Variants in CTRC observed in about 807,000 individuals in gnomAD.
CTRC encodes the protein chymotrypsin-C.
Under a neutral mutation model 35.7 loss-of-function variants are expected in CTRC, and 32 were observed. That is an observed-to-expected ratio of 0.90 (90% CI 0.68 to 1.20). The LOEUF (loss-of-function observed/expected upper bound fraction) is 1.20, where lower values mean the gene tolerates loss of function less well. CTRC is among the 50% of genes most tolerant of loss of function. The pLI is 0.00. For missense variants in CTRC, 324 were observed against 361.5 expected (o/e 0.90, Z 0.84); for synonymous variants, 119 against 149.5 (o/e 0.80, Z 1.49).
At chr1:15,441,651 A>T (rs1570782744) in intron 3 of CTRC, among the ~76,000 whole-genome samples, 1 of 151,712 alleles carries the variant, frequency 6.6e-6, no homozygotes, top group Admixed American at 6.6e-5. Flanking sequence ...TTTTATAAAA[A>T]ATATATATTG....
chr1:15,440,226 G>GGGGGGGC, intron 1 of CTRC, 74 bp from the exon 2 acceptor site: 1 of 523,580 alleles, frequency 1.9e-6, no homozygotes, highest in Non-Finnish European at 3.7e-6. Context: ...TCTTCCACCT[G>GGGGGGGC]CCCACCCTCC....
At chr1:15,445,009 C>G (rs1330536156) in intron 6 of CTRC, among the ~76,000 whole-genome samples, 1 of 152,174 alleles carries the variant, frequency 6.6e-6, no homozygotes, top group African/African-American at 2.4e-5. Flanking sequence ...GAACCTCTGA[C>G]CTCAGTTTTT....
chr1:15,445,890 G>C, intron 7 of CTRC, 141 bp downstream of exon 7: 3 of 1,002,806 alleles, frequency 3.0e-6, no homozygotes, highest in Admixed American at 1.9e-5. Flanking sequence ...ACTCATTCAT[G>C]CATTCATTCA....
Position 15,447,575 on chromosome 1 carries a change from T to G in CTRC, c.*986T>G, listed in dbSNP as rs913003194. ...CAGGGGCAGCCAGAGATGAGAGAGA[T>G]CCAATGTCCAGGGAGGGACATGCCA... On this transcript the variant is annotated 3_prime_UTR_variant, in exon 8 of 8. Transcript: ENST00000375949. 1 of 151,476 alleles carries G rather than the reference T, an allele frequency of 6.6e-6. No homozygotes were observed. Among genetic ancestry groups the G allele is most frequent in the Admixed American group, 6.6e-5 (1 of 15,196 alleles). The allele number at this position is 151,476 out of a possible 1,614,324, so 9.4% of individuals were successfully genotyped here.
rs999100869 is a variant in CTRC at position 15,443,435 on chromosome 1, A to G, written c.373A>G (p.Ile125Val). 1 of 1,614,160 alleles carries G rather than the reference A, an allele frequency of 6.2e-7. No individual in the cohort carries two copies. Among genetic ancestry groups the G allele is most frequent in the Non-Finnish European group, 8.5e-7 (1 of 1,180,024 alleles). The change falls in exon 5 of 8, where the codon ATC (isoleucine) becomes GTC (valine). Residue 125 changes from isoleucine (I) to valine (V), a missense_variant. Coordinates refer to ENST00000375949, the MANE Select transcript of CTRC (RefSeq NM_007272.3). Reference protein sequence around the residue: ...ALLLRNDIALIKLAEHVELSD... With the variant: ...ALLLRNDIALVKLAEHVELSD... ...GGATTCCAGCAATGATATTGCCCTC[A>G]TCAAGCTTGCAGAGCATGTGGAGCT... is the stretch of plus-strand genomic sequence containing the variant.
chr1:15,439,430 A>G (rs1282653072), intron 1 of CTRC, among the ~76,000 whole-genome samples: 1 of 151,892 alleles, frequency 6.6e-6, no homozygotes, highest in Non-Finnish European at 1.5e-5. Flanking sequence ...TCTCAAAAAA[A>G]AAAAAAAAAG....
rs929867735 is a variant in CTRC, at chr1:15,447,885, C to T, written c.*1296C>T. The T allele has an allele frequency of 6.6e-6, 1 of 152,286 alleles. No individual in the cohort carries two copies. The highest frequency in any genetic ancestry group is 2.4e-5 in the African/African-American group (1 of 41,448). The allele number at this position is 152,286 out of a possible 1,614,324, so 9.4% of individuals were successfully genotyped here. Reference sequence around the variant, plus strand: ...GGGAGCTACAGGGAGCCCAGCACCACCCAGACCCGGGAATCCAGGATGGGG... The same window carrying T: ...GGGAGCTACAGGGAGCCCAGCACCATCCAGACCCGGGAATCCAGGATGGGG... On this transcript the variant is annotated 3_prime_UTR_variant, in exon 8 of 8. Transcript: ENST00000375949.
intron 1 of CTRC, 74 bp from the exon 2 acceptor site, chr1:15,440,226 G>GGGGCCCCC: frequency 3.8e-6 from 2 of 523,578 alleles, no homozygotes; most frequent in Non-Finnish European, 3.7e-6. Flanking sequence ...TCTTCCACCT[G>GGGGCCCCC]CCCACCCTCC....
chr1:15,443,320 C>T, intron 4 of CTRC, 99 bp from the exon 5 acceptor site: 1 of 1,467,664 alleles, frequency 6.8e-7, no homozygotes, highest in African/African-American at 1.4e-5. Flanking sequence ...CCCCTGAGCA[C>T]CCTGGGCCTG....
rs1557509284 is a variant in CTRC at position 15,442,501 on chromosome 1, CGAA to C, written c.290_292del (p.Glu97del). 6.2e-7 allele frequency: 1 copy of C among 1,614,128 alleles called. No homozygotes were observed. The highest frequency in any genetic ancestry group is 8.5e-7 in the Non-Finnish European group (1 of 1,180,022). On this transcript the variant is annotated inframe_deletion, in exon 4 of 8. Transcript: ENST00000375949. ...GAAAGAACAACCTGGAGGTGGAAGA[CGAA>C]GAAGGATCCCTGTTTGTGGGTGTGG...
At chr1:15,441,646 TA>T (rs1708134134) in intron 3 of CTRC, among the ~76,000 whole-genome samples, 1 of 151,510 alleles carries the variant, frequency 6.6e-6, no homozygotes, top group Admixed American at 6.6e-5. Flanking sequence ...ATATATTTTA[TA>T]AAAAATATAT....
At chr1:15,440,268 T>C (rs960924785) in intron 1 of CTRC, 32 bp from the exon 2 acceptor site, 6 of 963,838 alleles carry the variant, frequency 6.2e-6, no homozygotes, top group Non-Finnish European at 8.9e-6. Flanking sequence ...CCAGCCCTAT[T>C]CACTGGTTCT....
At chr1:15,444,120 G>A (rs1317011039) in intron 5 of CTRC, among the ~76,000 whole-genome samples, 1 of 152,076 alleles carries the variant, frequency 6.6e-6, no homozygotes, top group Non-Finnish European at 1.5e-5. Context: ...GCAGTGTATG[G>A]TGGTGTGTAC....
intron 1 of CTRC, among the ~76,000 whole-genome samples, chr1:15,439,805 G>A (rs1052183825): frequency 3.3e-5 from 5 of 152,176 alleles, no homozygotes; most frequent in South Asian, 2.1e-4. Flanking sequence ...GCAATGGCAC[G>A]ATCTCGGCTC....
chr1:15,440,735 A>G (rs1454332747), intron 3 of CTRC, 145 bp downstream of exon 3: 6 of 740,824 alleles, frequency 8.1e-6, no homozygotes, highest in Non-Finnish European at 1.2e-5. Context: ...GCATTTAGTC[A>G]GTCAAGTATT....
At chr1:15,442,708 C>CAA in intron 4 of CTRC, 136 bp downstream of exon 4, 1 of 1,292,960 alleles carries the variant, frequency 7.7e-7, no homozygotes. Context: ...AAATGACTGT[C>CAA]TTACACAAAA....
At chr1:15,442,370 G>A (rs2103290636) in intron 3 of CTRC, 77 bp from the exon 4 acceptor site, 3 of 1,538,246 alleles carry the variant, frequency 2.0e-6, no homozygotes, top group East Asian at 2.4e-5. Flanking sequence ...TCCCACTAAA[G>A]CCCCGAGCTC....
rs1024678071 is a variant in CTRC, at chr1:15,447,075, G to A, written c.*486G>A. On this transcript the variant is annotated 3_prime_UTR_variant, in exon 8 of 8. Transcript: ENST00000375949. ...CAAAAGCAGCGTCCCCCAGGCCAGAGAGACCAGGCCACAGGAGGATGGCCA... is the reference window on the plus strand; with the variant it reads ...CAAAAGCAGCGTCCCCCAGGCCAGAAAGACCAGGCCACAGGAGGATGGCCA... 2 of 295,108 alleles carry A rather than the reference G, an allele frequency of 6.8e-6. No individual in the cohort carries two copies. Among genetic ancestry groups the A allele is most frequent in the African/African-American group, 4.4e-5 (2 of 45,624 alleles). The allele number at this position is 295,108 out of a possible 1,614,324, so 18.3% of individuals were successfully genotyped here.
chr1:15,441,521 G>A (rs191981052), intron 3 of CTRC, among the ~76,000 whole-genome samples: 19 of 152,150 alleles, frequency 1.2e-4, no homozygotes, highest in African/African-American at 4.3e-4. Flanking sequence ...ATAAGTGCAG[G>A]TCAGTATCAG....
Sources: gnomAD v4.1 joint callset for allele counts (sites outside exome capture counted in the v4.1 genomes callset) on GRCh38, gnomAD v4.1.1 for gene constraint, MANE v1.5 for transcripts, NCBI Gene and HGNC (gene_info 2026-07-23, HGNC 2026-07-21) for gene names.